ETV5: variants seen among roughly 807,000 people sequenced by gnomAD.
ETV5 encodes the protein ETS variant transcription factor 5, also known as ETS translocation variant 5.
ETV5 carries 10 observed loss-of-function variants against 70.0 expected under a neutral mutation model. That is an observed-to-expected ratio of 0.14 (90% CI 0.09 to 0.24). The LOEUF (loss-of-function observed/expected upper bound fraction) is 0.24, where lower values mean the gene tolerates loss of function less well. Among genes scored for constraint, ETV5 ranks in the 10% least tolerant of loss-of-function variants. The pLI is 1.00. For missense variants in ETV5, 453 were observed against 651.2 expected, an observed-to-expected ratio of 0.70 and a Z score of 3.31; for synonymous variants, 216 against 242.2, an observed-to-expected ratio of 0.89 and a Z score of 1.01.
At chr3:186,107,599 A>AT (rs1338106888) in intron 1 of ETV5, among the ~76,000 whole-genome samples, 1 of 152,208 alleles carries the variant, frequency 6.6e-6, no homozygotes, top group South Asian at 2.1e-4. Flanking sequence ...TCCAAGTATA[A>AT]TTTTTTTAAA....
chr3:186,103,671 T>A (rs866731102), intron 5 of ETV5, among the ~76,000 whole-genome samples: 7 of 127,152 alleles, frequency 5.5e-5, no homozygotes, highest in African/African-American at 2.2e-4. Context: ...ACACACACAC[T>A]TGGATTATCT....
chr3:186,065,732 G>A, intron 8 of ETV5, 81 bp downstream of exon 8: 9 of 1,521,808 alleles, frequency 5.9e-6, no homozygotes, highest in Non-Finnish European at 8.0e-6. Flanking sequence ...CTGTCCCCAA[G>A]GCCCTGCATG....
chr3:186,070,269 C>T (rs550692769), intron 7 of ETV5, among the ~76,000 whole-genome samples: 38 of 152,316 alleles, frequency 2.5e-4, no homozygotes, highest in Non-Finnish European at 3.5e-4. Flanking sequence ...TTGATAGCTC[C>T]GAGATGGCAT....
chr3:186,088,242 T>C (rs1714103022), intron 5 of ETV5, among the ~76,000 whole-genome samples: 1 of 152,228 alleles, frequency 6.6e-6, no homozygotes, highest in Non-Finnish European at 1.5e-5. Flanking sequence ...AAGTTGTGTC[T>C]CATGACAGAA....
chr3:186,098,051 CG>C (rs1386558564), intron 5 of ETV5, among the ~76,000 whole-genome samples: 1 of 152,172 alleles, frequency 6.6e-6, no homozygotes, highest in African/African-American at 2.4e-5. Flanking sequence ...TCGCTCAGTA[CG>C]CTGTGTTTAC....
chr3:186,096,711 G>A (rs1312151351), intron 5 of ETV5, among the ~76,000 whole-genome samples: 3 of 152,152 alleles, frequency 2.0e-5, no homozygotes, highest in African/African-American at 7.2e-5. Flanking sequence ...ACTAAGAAGA[G>A]CTCTTTAAAA....
chr3:186,089,241 G>A (rs1168342950), intron 5 of ETV5, among the ~76,000 whole-genome samples: 2 of 152,162 alleles, frequency 1.3e-5, no homozygotes, highest in African/African-American at 4.8e-5. Flanking sequence ...GATCCTGCCT[G>A]GCAACAGTTT....
At position 186,065,868 on chromosome 3, in the gene ETV5, C is replaced by A. The variant is rs1390092377; in HGVS notation, c.855G>T (p.Gly285=). 1.9e-6 allele frequency: 3 copies of A among 1,614,048 alleles called. No individual in the cohort carries two copies. Among genetic ancestry groups the A allele is most frequent in the Non-Finnish European group, 2.5e-6 (3 of 1,180,002 alleles). ...GCTTGATTCCCATTGGTGACTGGAA[C>A]CCGTGTGCTGGGGGCCCTGGCATGC... ...VPGMPGPPAH[G]FQSPMGIKQE... is the part of the protein sequence containing the mutation. Residue 285 remains glycine, a synonymous_variant, in exon 8 of 13, where the codon GGG becomes GGT. Transcript: ENST00000306376.
chr3:186,055,352 G>A (rs1578536922), intron 11 of ETV5, among the ~76,000 whole-genome samples: 1 of 152,202 alleles, frequency 6.6e-6, no homozygotes. Context: ...ACCAGGCCAC[G>A]TTATTCAGAA....
At chr3:186,092,084 A>G (rs1048665301) in intron 5 of ETV5, among the ~76,000 whole-genome samples, 1 of 152,224 alleles carries the variant, frequency 6.6e-6, no homozygotes, top group African/African-American at 2.4e-5. Context: ...ATGTTAAAAA[A>G]TGCTAGGCAC....
chr3:186,092,002 G>C (rs949611895), intron 5 of ETV5, among the ~76,000 whole-genome samples: 1 of 152,204 alleles, frequency 6.6e-6, no homozygotes, highest in Non-Finnish European at 1.5e-5. Context: ...CAAGTGTCTG[G>C]AAATTCAAGA....
intron 9 of ETV5, among the ~76,000 whole-genome samples, chr3:186,058,779 C>A (rs967514048): frequency 2.0e-5 from 3 of 151,948 alleles, no homozygotes; most frequent in African/African-American, 4.8e-5. Flanking sequence ...TTTGGGAGGC[C>A]AAGATGGGTG....
chr3:186,091,285 G>A, intron 5 of ETV5, among the ~76,000 whole-genome samples: 1 of 152,186 alleles, frequency 6.6e-6, no homozygotes, highest in East Asian at 1.9e-4. Flanking sequence ...CAGGACTTTA[G>A]ATTAGCAATT....
At chr3:186,065,767 G>A (rs535971950) in intron 8 of ETV5, 46 bp downstream of exon 8, 13 of 1,611,822 alleles carry the variant, frequency 8.1e-6, no homozygotes, top group Non-Finnish European at 4.2e-6. Flanking sequence ...TAACGAGACA[G>A]AAGAATGCAA....
chr3:186,104,656 A>G (rs541212321), intron 5 of ETV5, among the ~76,000 whole-genome samples: 1 of 152,274 alleles, frequency 6.6e-6, no homozygotes, highest in Admixed American at 6.5e-5. Flanking sequence ...GCCATAAAAC[A>G]ATGTGTGATT....
chr3:186,080,969 G>T, intron 6 of ETV5, 77 bp downstream of exon 6: 1 of 1,508,150 alleles, frequency 6.6e-7, no homozygotes. Flanking sequence ...AGTAACACTG[G>T]GAAGGAACAT....
intron 1 of ETV5, among the ~76,000 whole-genome samples, chr3:186,107,877 C>G (rs1714629352): frequency 6.6e-6 from 1 of 152,066 alleles, no homozygotes; most frequent in African/African-American, 2.4e-5. Context: ...TCAGCCTTCC[C>G]CATTCATGAA....
intron 5 of ETV5, among the ~76,000 whole-genome samples, chr3:186,101,046 C>T (rs752792193): frequency 6.6e-6 from 1 of 152,168 alleles, no homozygotes; most frequent in Non-Finnish European, 1.5e-5. Context: ...GAGTTCCAAT[C>T]TTATCCATGG....
At chr3:186,083,971 G>A (rs1274805013) in intron 5 of ETV5, among the ~76,000 whole-genome samples, 3 of 152,192 alleles carry the variant, frequency 2.0e-5, no homozygotes, top group Non-Finnish European at 4.4e-5. Context: ...ATTCTGGCAT[G>A]TGTTAGTCAG....
Sources: gnomAD v4.1 joint callset for allele counts (sites outside exome capture counted in the v4.1 genomes callset) on GRCh38, gnomAD v4.1.1 for gene constraint, MANE v1.5 for transcripts, NCBI Gene and HGNC (gene_info 2026-07-23, HGNC 2026-07-21) for gene names.